Variants in MNAT1 observed in about 807,000 individuals in gnomAD.
The protein encoded by MNAT1 is CDK-activating kinase assembly factor MAT1.
Under a neutral mutation model 42.0 loss-of-function variants are expected in MNAT1, and 43 were observed. The observed-to-expected ratio is 1.02, with a 90% CI of 0.80 to 1.32. The LOEUF is 1.32. Among genes scored for constraint, MNAT1 ranks in the 40% most tolerant of loss-of-function variants. The pLI, the probability that MNAT1 is intolerant of heterozygous loss-of-function variation, is 0.00. For missense variants in MNAT1, 306 were observed against 350.4 expected, an observed-to-expected ratio of 0.87 and a Z score of 1.01; for synonymous variants, 118 against 120.0, an observed-to-expected ratio of 0.98 and a Z score of 0.11.
At chr14:60,802,061 A>T (rs1488482361) in intron 3 of MNAT1, among the ~76,000 whole-genome samples, 1 of 152,216 alleles carries the variant, frequency 6.6e-6, no homozygotes, top group Non-Finnish European at 1.5e-5. Context: ...TATATCTGGA[A>T]TCTAAAAAAG....
chr14:60,831,640 G>A (rs541081270), intron 6 of MNAT1, among the ~76,000 whole-genome samples: 478 of 152,220 alleles, frequency 3.1e-3, no homozygotes, highest in African/African-American at 0.011. Flanking sequence ...ATAAACATAT[G>A]TGTGCATGTG....
At chr14:60,811,588 C>T (rs923939290) in intron 4 of MNAT1, among the ~76,000 whole-genome samples, 6 of 152,002 alleles carry the variant, frequency 3.9e-5, no homozygotes, top group Admixed American at 6.6e-5. Flanking sequence ...AGGTGTGAGC[C>T]GCTGCGTAGG....
intron 7 of MNAT1, among the ~76,000 whole-genome samples, chr14:60,967,551 T>A (rs2036704394): frequency 6.6e-6 from 1 of 152,202 alleles, no homozygotes; most frequent in Non-Finnish European, 1.5e-5. Context: ...AAATGTTTAA[T>A]TGCTTTAAAA....
intron 6 of MNAT1, among the ~76,000 whole-genome samples, chr14:60,844,588 C>T (rs572524007): frequency 1.3e-5 from 2 of 151,912 alleles, no homozygotes; most frequent in South Asian, 2.1e-4. Flanking sequence ...ATTGAGTAGT[C>T]GTTTTTAGAT....
At chr14:60,941,467 A>C (rs1251711827) in intron 7 of MNAT1, among the ~76,000 whole-genome samples, 1 of 152,176 alleles carries the variant, frequency 6.6e-6, no homozygotes, top group East Asian at 1.9e-4. Flanking sequence ...TGGGAGACCA[A>C]GACAGGAGGA....
At chr14:60,860,036 A>G (rs1369131994) in intron 6 of MNAT1, among the ~76,000 whole-genome samples, 1 of 152,212 alleles carries the variant, frequency 6.6e-6, no homozygotes, top group Non-Finnish European at 1.5e-5. Flanking sequence ...AGGGCCTGAG[A>G]CTAAATTTAT....
chr14:60,937,014 TA>T lies in MNAT1; in HGVS notation c.810-31212del, dbSNP rs964363709. ...TTTTTTCATGTGTTTTTTGGCTGCA[TA>T]AATGTCTTCTTTTGAGAAGTGTGTG... On this transcript the variant is annotated intron_variant, in intron 7 of 7. Coordinates refer to ENST00000261245, the MANE Select transcript of MNAT1 (RefSeq NM_002431.4). 1.2e-3 allele frequency among the ~76,000 whole-genome samples: 183 copies of T among 151,722 alleles called. 1 individual carries two copies. Among genetic ancestry groups the T allele is most frequent in the African/African-American group, 4.3e-3 (178 of 41,042 alleles).
intron 1 of MNAT1, among the ~76,000 whole-genome samples, chr14:60,789,793 C>A: frequency 6.6e-6 from 1 of 152,094 alleles, no homozygotes. Flanking sequence ...CCACATATTT[C>A]AGAAAATGTT....
intron 7 of MNAT1, among the ~76,000 whole-genome samples, chr14:60,924,400 A>C (rs1302956337): frequency 1.3e-5 from 2 of 151,748 alleles, no homozygotes; most frequent in African/African-American, 2.4e-5. Context: ...AAAAAAAAAA[A>C]AACTGTACTC....
intron 1 of MNAT1, among the ~76,000 whole-genome samples, chr14:60,743,795 T>A (rs1896539767): frequency 6.6e-6 from 1 of 152,226 alleles, no homozygotes; most frequent in African/African-American, 2.4e-5. Context: ...CTCATATCTC[T>A]TTCTCCCTGT....
At chr14:60,818,150 A>T (rs978381619) in intron 5 of MNAT1, among the ~76,000 whole-genome samples, 1 of 152,052 alleles carries the variant, frequency 6.6e-6, no homozygotes, top group African/African-American at 2.4e-5. Context: ...CTGAGTGCTT[A>T]TAATTAATAT....
chr14:60,848,315 T>G (rs1011548695), intron 6 of MNAT1, among the ~76,000 whole-genome samples: 2 of 152,210 alleles, frequency 1.3e-5, no homozygotes, highest in African/African-American at 4.8e-5. Context: ...TATTTTCTCT[T>G]TTGCTGCTTT....
intron 6 of MNAT1, among the ~76,000 whole-genome samples, chr14:60,836,713 AG>A (rs1358956911): frequency 6.6e-6 from 1 of 152,180 alleles, no homozygotes; most frequent in Non-Finnish European, 1.5e-5. Context: ...GGAGGCACGG[AG>A]GTCAGGGACC....
chr14:60,902,119 A>G (rs1028272207), intron 7 of MNAT1, among the ~76,000 whole-genome samples: 3 of 152,168 alleles, frequency 2.0e-5, no homozygotes, highest in African/African-American at 7.2e-5. Flanking sequence ...AGCAACCACC[A>G]TTGTGATCAG....
chr14:60,868,268 A>G (rs896697857), intron 6 of MNAT1, among the ~76,000 whole-genome samples: 1 of 152,192 alleles, frequency 6.6e-6, no homozygotes, highest in Non-Finnish European at 1.5e-5. Flanking sequence ...CACAGCACAC[A>G]TGTCCACACA....
At chr14:60,745,343 A>C (rs1283700316) in intron 1 of MNAT1, among the ~76,000 whole-genome samples, 3 of 152,190 alleles carry the variant, frequency 2.0e-5, no homozygotes, top group African/African-American at 7.2e-5. Flanking sequence ...TTGTTAGCAA[A>C]AGCTGGCCTT....
At chr14:60,853,595 G>A (rs1027184862) in intron 6 of MNAT1, among the ~76,000 whole-genome samples, 2 of 152,174 alleles carry the variant, frequency 1.3e-5, no homozygotes, top group Admixed American at 6.5e-5. Context: ...GAATAGGAGT[G>A]GTGAGAGAGG....
intron 7 of MNAT1, among the ~76,000 whole-genome samples, chr14:60,905,698 T>C (rs1225797904): frequency 1.3e-5 from 2 of 152,218 alleles, no homozygotes; most frequent in African/African-American, 4.8e-5. Flanking sequence ...CCTTGAGTTA[T>C]GATGTCCAAG....
At chr14:60,784,091 C>G (rs1157232800) in intron 1 of MNAT1, among the ~76,000 whole-genome samples, 1 of 151,780 alleles carries the variant, frequency 6.6e-6, no homozygotes, top group Non-Finnish European at 1.5e-5. Context: ...ACTGCAACCT[C>G]CGCCTCCGCC....
Sources: allele counts gnomAD v4.1 joint callset (sites outside exome capture counted in the v4.1 genomes callset), GRCh38; gene constraint gnomAD v4.1.1; transcripts MANE v1.5; gene names NCBI Gene and HGNC (gene_info 2026-07-23, HGNC 2026-07-21).